The following NANOS1 variants were observed in gnomAD, a reference collection of about 807,000 sequenced individuals.
The protein encoded by NANOS1 is nanos homolog 1.
In NANOS1, 1 loss-of-function variant was observed where a neutral mutation model predicts 1.1. The observed-to-expected ratio is 0.88, with a 90% confidence interval of 0.31 to 4.20. The LOEUF (loss-of-function observed/expected upper bound fraction) is 4.20. Ranked by LOEUF, NANOS1 falls within the 30% of genes most tolerant of loss-of-function variation. The pLI is 0.17. For synonymous variants in NANOS1, 252 were observed against 230.6 expected, an observed-to-expected ratio of 1.09 and a Z score of -0.84; for missense variants, 537 against 457.9, an observed-to-expected ratio of 1.17 and a Z score of -1.58.
rs1168352731 is a variant in NANOS1, at chr10:119,033,674, G to A, written c.*2994G>A. ...ATTAGCTTTGATGAGAACAACTTTT[G>A]TCATAGATTTGATTTATTAAACCAA... On this transcript the variant is annotated 3_prime_UTR_variant, in exon 1 of 1. Coordinates refer to ENST00000425699, the MANE Select transcript of NANOS1 (RefSeq NM_199461.4). 6.0e-6 allele frequency: 1 copy of A among 166,240 alleles called. No homozygotes were observed. Among genetic ancestry groups the A allele is most frequent in the Admixed American group, 6.5e-5 (1 of 15,274 alleles). 10.3% of individuals were successfully genotyped at this position (166,240 alleles called of 1,614,324 possible). A position where few individuals can be genotyped will look rare whatever the true frequency, so the allele number is the denominator to read the frequency against.
In NANOS1 at chr10:119,030,545, G is replaced by C. The variant is rs1848030018; in HGVS notation, c.744G>C (p.Thr248=). Reference sequence around the variant, plus strand: ...TGTGTCCCGTGCTGCGCCGCTACACGTGTCCCCTGTGCGGCGCCAGCGGCG... The same window carrying C: ...TGTGTCCCGTGCTGCGCCGCTACACCTGTCCCCTGTGCGGCGCCAGCGGCG... The part of the protein sequence containing the change: ...RVLCPVLRRY[T]CPLCGASGDN... Residue 248 remains threonine (T), a synonymous_variant, in exon 1 of 1, where the codon ACG becomes ACC. Coordinates refer to ENST00000425699, the MANE Select transcript of NANOS1 (RefSeq NM_199461.4). The surrounding 1 kb of genome is among the most constrained non-coding windows in gnomAD (Gnocchi z 5.3). 1.3e-6 allele frequency: 2 copies of C among 1,529,152 alleles called. No homozygotes were observed. Among genetic ancestry groups the C allele is most frequent in the Non-Finnish European group, 1.7e-6 (2 of 1,142,902 alleles). The allele number at this position is 1,529,152 out of a possible 1,614,324, so 94.7% of individuals were successfully genotyped here.
Position 119,030,189 on chromosome 10 carries a change from C to A in NANOS1, c.388C>A (p.Arg130Ser). ...CTACCTGGGGAGCGCGCTGGAATTG[C>A]GCGCGCTGGAGCTGTGCGCGGGCCC... ...GRYLGSALELRALELCAGPAE... is the reference protein window; with the variant it reads ...GRYLGSALELSALELCAGPAE... Residue 130 changes from arginine (R) to serine (S), a missense_variant, in exon 1 of 1, where the codon CGC becomes AGC. By Grantham distance (110) the Arg-to-Ser change is moderately radical. Transcript: ENST00000425699. This position sits in a 1 kb window ranked among gnomAD's most constrained non-coding sequence, Gnocchi z 5.3. 1.5e-6 allele frequency: 2 copies of A among 1,339,060 alleles called. No individual in the cohort carries two copies. Among genetic ancestry groups the A allele is most frequent in the South Asian group, 3.9e-5 (2 of 51,762 alleles). 82.9% of individuals were successfully genotyped at this position (1,339,060 alleles called of 1,614,324 possible).
chr10:119,031,085 T>A lies in NANOS1; in HGVS notation c.*405T>A, dbSNP rs1245580782. ...CTTTACTAGGTCTAGAATATTTTTT[T>A]AAAAGCCTCTGAACTGAGCTTAAAA... is the stretch of plus-strand genomic sequence containing the variant. On this transcript the variant is annotated 3_prime_UTR_variant, in exon 1 of 1. Coordinates refer to ENST00000425699, the MANE Select transcript of NANOS1 (RefSeq NM_199461.4). 4 of 184,368 alleles carry A rather than the reference T, an allele frequency of 2.2e-5. No homozygotes were observed. Among genetic ancestry groups the A allele is most frequent in the Non-Finnish European group, 5.0e-5 (4 of 80,100 alleles). The allele number at this position is 184,368 out of a possible 1,614,324, so 11.4% of individuals were successfully genotyped here. A position where few individuals can be genotyped will look rare whatever the true frequency, so the allele number is the denominator to read the frequency against.
rs1848065267 is a variant in NANOS1 at position 119,032,449 on chromosome 10, ATGTAATTACT to A, written c.*1773_*1782del. 1 of 167,038 alleles carries A rather than the reference ATGTAATTACT, an allele frequency of 6.0e-6. No homozygotes were observed. Among genetic ancestry groups the A allele is most frequent in the Non-Finnish European group, 1.5e-5 (1 of 68,118 alleles). The allele number at this position is 167,038 out of a possible 1,614,324, so 10.3% of individuals were successfully genotyped here. A position where few individuals can be genotyped will look rare whatever the true frequency, so the allele number is the denominator to read the frequency against. Reference sequence around the variant, plus strand: ...CTAAATTAAGTAGCTTAATGAAACCATGTAATTACTTGTTCTCCTTTCTTTTGCTATAGAA... The same window carrying A: ...CTAAATTAAGTAGCTTAATGAAACCATGTTCTCCTTTCTTTTGCTATAGAA... On this transcript the variant is annotated 3_prime_UTR_variant, in exon 1 of 1. Coordinates refer to ENST00000425699, the MANE Select transcript of NANOS1 (RefSeq NM_199461.4).
chr10:119,030,724 A>C lies in NANOS1; in HGVS notation c.*44A>C. Reference sequence around the variant, plus strand: ...GCCCAGGGTCGCCGCCGCCCCTCGCACCGCTAGGTCTGCGCACCATCTCGC... The same window carrying C: ...GCCCAGGGTCGCCGCCGCCCCTCGCCCCGCTAGGTCTGCGCACCATCTCGC... On this transcript the variant is annotated 3_prime_UTR_variant, in exon 1 of 1. Transcript: ENST00000425699. This position sits in a 1 kb window ranked among gnomAD's most constrained non-coding sequence, Gnocchi z 5.3. 7 of 1,272,726 alleles carry C rather than the reference A, an allele frequency of 5.5e-6. No homozygotes were observed. The highest frequency in any genetic ancestry group is 6.9e-6 in the Non-Finnish European group (7 of 1,009,680). 78.8% of individuals were successfully genotyped at this position (1,272,726 alleles called of 1,614,324 possible). A position where few individuals can be genotyped will look rare whatever the true frequency, so the allele number is the denominator to read the frequency against.
rs189875771 is a variant in NANOS1 at position 119,030,831 on chromosome 10, G to T, written c.*151G>T. On this transcript the variant is annotated 3_prime_UTR_variant, in exon 1 of 1. Transcript: ENST00000425699. This position sits in a 1 kb window ranked among gnomAD's most constrained non-coding sequence, Gnocchi z 5.3. The stretch of plus-strand genomic sequence containing the variant: ...GGTGGTTTTTGAAAAGCAGCCGACC[G>T]TGTGGAGTACTTCCGTGCTGAACGA... 5.0e-4 allele frequency: 539 copies of T among 1,080,628 alleles called. 2 individuals are homozygous for T. Among genetic ancestry groups the T allele is most frequent in the Admixed American group, 1.8e-4 (4 of 22,464 alleles). 66.9% of individuals were successfully genotyped at this position (1,080,628 alleles called of 1,614,324 possible). A position where few individuals can be genotyped will look rare whatever the true frequency, so the allele number is the denominator to read the frequency against.
Position 119,029,966 on chromosome 10 carries a change from A to G in NANOS1, c.165A>G (p.Lys55=). 7.0e-7 allele frequency: 1 copy of G among 1,423,316 alleles called. No homozygotes were observed. The highest frequency in any genetic ancestry group is 9.2e-7 in the Non-Finnish European group (1 of 1,088,812). 88.2% of individuals were successfully genotyped at this position (1,423,316 alleles called of 1,614,324 possible). A position where few individuals can be genotyped will look rare whatever the true frequency, so the allele number is the denominator to read the frequency against. ...TGGGGCTCGCCACGCTCATCACCAA[A>G]GCGGTGGACGGCGAGCCGCGCTTCG... ...DYLGLATLIT[K]AVDGEPRFGC... Residue 55 remains lysine (K), a synonymous_variant, in exon 1 of 1, where the codon AAA becomes AAG. Coordinates refer to ENST00000425699, the MANE Select transcript of NANOS1 (RefSeq NM_199461.4).
rs901607955 is a variant in NANOS1, at chr10:119,030,043, C to T, written c.242C>T (p.Ser81Leu). 7.3e-6 allele frequency: 10 copies of T among 1,364,756 alleles called. No individual in the cohort carries two copies. In the East Asian group the frequency reaches 1.6e-4, roughly 21 times the overall value. 84.5% of individuals were successfully genotyped at this position (1,364,756 alleles called of 1,614,324 possible). The change falls in exon 1 of 1, where the codon TCG (serine) becomes TTG (leucine). Residue 81 changes from serine (S) to leucine (L), a missense_variant. Coordinates refer to ENST00000425699, the MANE Select transcript of NANOS1 (RefSeq NM_199461.4). This position sits in a 1 kb window ranked among gnomAD's most constrained non-coding sequence, Gnocchi z 5.3. ...GGCGGCTCCCCGCCCTCCTCCTCCT[C>T]GTCGTCCTGCTGCTCCCCCCACACG... ...GGGGSPPSSS[S>L]SSCCSPHTGA...
At position 119,030,506 on chromosome 10, in the gene NANOS1, C is replaced by G; in HGVS notation, c.705C>G (p.Pro235=). ...ALYTTHILKG[P]DGRVLCPVLR... ...ACACCACCCATATCCTCAAGGGCCC[C>G]GACGGGCGAGTGCTGTGTCCCGTGC... Residue 235 remains proline, a synonymous_variant, in exon 1 of 1, where the codon CCC becomes CCG. Transcript: ENST00000425699. The surrounding 1 kb of genome is among the most constrained non-coding windows in gnomAD (Gnocchi z 5.3). 4 of 1,515,648 alleles carry G rather than the reference C, an allele frequency of 2.6e-6. No individual in the cohort carries two copies. The highest frequency in any genetic ancestry group is 1.2e-5 in the South Asian group (1 of 80,966). The allele number at this position is 1,515,648 out of a possible 1,614,324, so 93.9% of individuals were successfully genotyped here.
At position 119,030,224 on chromosome 10, in the gene NANOS1, C is replaced by T. The variant is rs1436329590; in HGVS notation, c.423C>T (p.Ala141=). ...ALELCAGPAE[A]GLLEERFAEL... ...AGCTGTGCGCGGGCCCCGCCGAGGC[C>T]GGGCTGCTGGAGGAGCGCTTCGCCG... Residue 141 remains alanine, a synonymous_variant, in exon 1 of 1, where the codon GCC becomes GCT. Transcript: ENST00000425699. This position sits in a 1 kb window ranked among gnomAD's most constrained non-coding sequence, Gnocchi z 5.3. The T allele has an allele frequency of 7.8e-7, 1 of 1,284,832 alleles. No individual in the cohort carries two copies. The highest frequency in any genetic ancestry group is 9.8e-7 in the Non-Finnish European group (1 of 1,019,784). 79.6% of individuals were successfully genotyped at this position (1,284,832 alleles called of 1,614,324 possible). A position where few individuals can be genotyped will look rare whatever the true frequency, so the allele number is the denominator to read the frequency against.
Position 119,030,425 on chromosome 10 carries a change from G to T in NANOS1, c.624G>T (p.Lys208Asn), listed in dbSNP as rs1458554965. The T allele has an allele frequency of 2.1e-6, 3 of 1,409,396 alleles. No individual in the cohort carries two copies. The South Asian group carries it at 4.7e-5, about 22-fold the overall frequency. The allele number at this position is 1,409,396 out of a possible 1,614,324, so 87.3% of individuals were successfully genotyped here. A position where few individuals can be genotyped will look rare whatever the true frequency, so the allele number is the denominator to read the frequency against. ...GGGCGGCGGCCGCCCGGCTGCTGAAGCCCGAGCTGCAGGTGTGCGTGTTCT... is the reference window on the plus strand; with the variant it reads ...GGGCGGCGGCCGCCCGGCTGCTGAATCCCGAGCTGCAGGTGTGCGTGTTCT... The part of the protein sequence containing the change: ...ASGAAAARLL[K>N]PELQVCVFCR... The change falls in exon 1 of 1, where the codon AAG becomes AAT. Residue 208 changes from lysine to asparagine, a missense_variant. Transcript: ENST00000425699. This position sits in a 1 kb window ranked among gnomAD's most constrained non-coding sequence, Gnocchi z 5.3.
In NANOS1 at chr10:119,029,837, C is replaced by A; in HGVS notation, c.36C>A (p.Arg12=). Residue 12 remains arginine, a synonymous_variant, in exon 1 of 1, where the codon CGC becomes CGA. Transcript: ENST00000425699. ...TCCCCTGGGCGCCCCGCTCGCCCCG[C>A]CGCGGCCGCGCCCCCCCGCCCATGG... ...EAFPWAPRSP[R]RGRAPPPMAL... 8.4e-7 allele frequency: 1 copy of A among 1,197,328 alleles called. No homozygotes were observed. The highest frequency in any genetic ancestry group is 1.0e-6 in the Non-Finnish European group (1 of 969,890). The allele number at this position is 1,197,328 out of a possible 1,614,324, so 74.2% of individuals were successfully genotyped here.
rs1347844151 is a variant in NANOS1 at position 119,029,895 on chromosome 10, C to G, written c.94C>G (p.Pro32Ala). The change falls in exon 1 of 1, where the codon CCG becomes GCG. Residue 32 changes from proline (P) to alanine (A), a missense_variant. Coordinates refer to ENST00000425699, the MANE Select transcript of NANOS1 (RefSeq NM_199461.4). ...LVPSARYVSA[P>A]GPAHPQPFSS... is the part of the protein sequence containing the mutation. ...GCCCAGCGCCCGCTACGTGAGCGCCCCGGGCCCGGCGCACCCGCAGCCCTT... is the reference window on the plus strand; with the variant it reads ...GCCCAGCGCCCGCTACGTGAGCGCCGCGGGCCCGGCGCACCCGCAGCCCTT... The G allele has an allele frequency of 3.6e-6, 5 of 1,378,744 alleles. No homozygotes were observed. In the East Asian group the frequency reaches 1.3e-4, roughly 35 times the overall value. The allele number at this position is 1,378,744 out of a possible 1,614,324, so 85.4% of individuals were successfully genotyped here.
At position 119,030,218 on chromosome 10, in the gene NANOS1, C is replaced by G. The variant is rs544963826; in HGVS notation, c.417C>G (p.Ala139=). 7.8e-5 allele frequency: 100 copies of G among 1,285,752 alleles called. No homozygotes were observed. Among genetic ancestry groups the G allele is most frequent in the Non-Finnish European group, 9.2e-5 (94 of 1,020,724 alleles). The allele number at this position is 1,285,752 out of a possible 1,614,324, so 79.6% of individuals were successfully genotyped here. ...CGCTGGAGCTGTGCGCGGGCCCCGCCGAGGCCGGGCTGCTGGAGGAGCGCT... is the reference window on the plus strand; with the variant it reads ...CGCTGGAGCTGTGCGCGGGCCCCGCGGAGGCCGGGCTGCTGGAGGAGCGCT... The part of the protein sequence containing the change: ...LRALELCAGP[A]EAGLLEERFA... Residue 139 remains alanine, a synonymous_variant, in exon 1 of 1, where the codon GCC becomes GCG. Transcript: ENST00000425699. This position sits in a 1 kb window ranked among gnomAD's most constrained non-coding sequence, Gnocchi z 5.3.
At position 119,030,208 on chromosome 10, in the gene NANOS1, C is replaced by A; in HGVS notation, c.407C>A (p.Ala136Glu). The A allele has an allele frequency of 7.7e-7, 1 of 1,293,106 alleles. No individual in the cohort carries two copies. The highest frequency in any genetic ancestry group is 1.5e-5 in the African/African-American group (1 of 64,890). The allele number at this position is 1,293,106 out of a possible 1,614,324, so 80.1% of individuals were successfully genotyped here. A position where few individuals can be genotyped will look rare whatever the true frequency, so the allele number is the denominator to read the frequency against. ...GAATTGCGCGCGCTGGAGCTGTGCG[C>A]GGGCCCCGCCGAGGCCGGGCTGCTG... ...ALELRALELCAGPAEAGLLEE... is the reference protein window; with the variant it reads ...ALELRALELCEGPAEAGLLEE... The change falls in exon 1 of 1, where the codon GCG becomes GAG. Residue 136 changes from alanine (A) to glutamate (E), a missense_variant. Transcript: ENST00000425699. The surrounding 1 kb of genome is among the most constrained non-coding windows in gnomAD (Gnocchi z 5.3).
chr10:119,031,967 T>TCC lies in NANOS1; in HGVS notation c.*1289_*1290dup, dbSNP rs1411632133. 1.8e-5 allele frequency: 3 copies of TCC among 167,062 alleles called. No homozygotes were observed. Among genetic ancestry groups the TCC allele is most frequent in the African/African-American group, 7.2e-5 (3 of 41,450 alleles). 10.3% of individuals were successfully genotyped at this position (167,062 alleles called of 1,614,324 possible). ...AAAGTTCCTAACCCCTACTTTACCCTCCCACCCTCACTTTTAAATCCACCA... is the reference window on the plus strand; with the variant it reads ...AAAGTTCCTAACCCCTACTTTACCCTCCCCCACCCTCACTTTTAAATCCACCA... On this transcript the variant is annotated 3_prime_UTR_variant, in exon 1 of 1. Transcript: ENST00000425699.
Position 119,029,791 on chromosome 10 carries a change from G to A in NANOS1, c.-11G>A. The A allele has an allele frequency of 2.9e-6, 3 of 1,023,238 alleles. No homozygotes were observed. The highest frequency in any genetic ancestry group is 3.5e-6 in the Non-Finnish European group (3 of 856,184). 63.4% of individuals were successfully genotyped at this position (1,023,238 alleles called of 1,614,324 possible). A position where few individuals can be genotyped will look rare whatever the true frequency, so the allele number is the denominator to read the frequency against. On this transcript the variant is annotated 5_prime_UTR_variant, in exon 1 of 1. Coordinates refer to ENST00000425699, the MANE Select transcript of NANOS1 (RefSeq NM_199461.4). ...GCGGCGGGGAGGCGGCGCGCGGCCC[G>A]CAGCCCGCCCATGGAGGCTTTCCCC... is the stretch of plus-strand genomic sequence containing the variant.
Position 119,032,522 on chromosome 10 carries a change from A to C in NANOS1, c.*1842A>C, listed in dbSNP as rs1368026913. ...TAAATGAGCTTCACCTTCTGGGTGA[A>C]GTTTCTAAGGTCAACATGAATCCTC... On this transcript the variant is annotated 3_prime_UTR_variant, in exon 1 of 1. Transcript: ENST00000425699. The C allele has an allele frequency of 1.2e-5, 2 of 167,096 alleles. No individual in the cohort carries two copies. The highest frequency in any genetic ancestry group is 2.9e-5 in the Non-Finnish European group (2 of 68,142). The allele number at this position is 167,096 out of a possible 1,614,324, so 10.4% of individuals were successfully genotyped here.
In NANOS1 at chr10:119,030,846, G is replaced by A. The variant is rs1373593896; in HGVS notation, c.*166G>A. ...GCAGCCGACCGTGTGGAGTACTTCCGTGCTGAACGATTGGGACTAGACGCT... is the reference window on the plus strand; with the variant it reads ...GCAGCCGACCGTGTGGAGTACTTCCATGCTGAACGATTGGGACTAGACGCT... On this transcript the variant is annotated 3_prime_UTR_variant, in exon 1 of 1. Transcript: ENST00000425699. The surrounding 1 kb of genome is among the most constrained non-coding windows in gnomAD (Gnocchi z 5.3). 17 of 983,070 alleles carry A rather than the reference G, an allele frequency of 1.7e-5. No homozygotes were observed. Among genetic ancestry groups the A allele is most frequent in the Non-Finnish European group, 2.3e-5 (17 of 755,050 alleles). The allele number at this position is 983,070 out of a possible 1,614,324, so 60.9% of individuals were successfully genotyped here. A position where few individuals can be genotyped will look rare whatever the true frequency, so the allele number is the denominator to read the frequency against.
Sources: gnomAD v4.1 joint callset for allele counts on GRCh38, gnomAD v4.1.1 for gene constraint, Gnocchi (gnomAD v3.1) non-coding constraint, MANE v1.5 for transcripts, NCBI Gene and HGNC (gene_info 2026-07-23, HGNC 2026-07-21) for gene names.